The following CECR2 variants were observed in gnomAD, a reference collection of about 807,000 sequenced individuals.
CECR2 encodes chromatin remodeling regulator CECR2.
CECR2 carries 30 observed loss-of-function variants against 154.5 expected under a neutral mutation model. The ratio of observed to expected loss-of-function variants is 0.19; its 90% CI spans 0.15 to 0.26. The LOEUF (loss-of-function observed/expected upper bound fraction) is 0.26, where lower values mean the gene tolerates loss of function less well. Ranked by LOEUF, CECR2 falls within the 10% of genes least tolerant of loss-of-function variation. The probability of loss-of-function intolerance (pLI) is 1.00; values close to 1 mark genes in which losing one functional copy is unlikely to be tolerated. For synonymous variants in CECR2, 725 were observed against 683.7 expected, an observed-to-expected ratio of 1.06 and a Z score of -0.94; for missense variants, 1,743 against 1,829.3, an observed-to-expected ratio of 0.95 and a Z score of 0.86.
In CECR2 at chr22:17,471,611, C is replaced by A. The variant is rs141446614; in HGVS notation, c.127-5977C>A. On this transcript the variant is annotated intron_variant, in intron 1 of 18. Transcript: ENST00000262608. ...ATGCAGTGGGTGTGATCTCGGCTCA[C>A]TGCAACCTCTGCCTCCCGGGTTCAG... is the stretch of plus-strand genomic sequence containing the variant. Among the ~76,000 whole-genome samples, 1,164 of 151,890 alleles carry A rather than the reference C, an allele frequency of 7.7e-3. 57 individuals carry two copies. The East Asian group carries it at 0.16, about 21-fold the overall frequency.
At chr22:17,414,516 AT>A (rs1209238902) in intron 1 of CECR2, among the ~76,000 whole-genome samples, 8 of 78,182 alleles carry the variant, frequency 1.0e-4, no homozygotes, top group African/African-American at 2.1e-4. Flanking sequence ...TTTTTTCCTG[AT>A]TTTTTTTTAT....
chr22:17,382,383 G>A (rs577623290), intron 1 of CECR2, among the ~76,000 whole-genome samples: 31 of 152,238 alleles, frequency 2.0e-4, no homozygotes, highest in South Asian at 1.0e-3. Context: ...TTGGTAGCTG[G>A]AATAGAACAG....
chr22:17,526,036 G>A (rs1961679420), intron 9 of CECR2, among the ~76,000 whole-genome samples: 2 of 152,082 alleles, frequency 1.3e-5, no homozygotes, highest in Admixed American at 1.3e-4. Context: ...AGCTTTCTAC[G>A]TTCATGGATA....
chr22:17,393,888 ATT>A (rs71200270), intron 1 of CECR2, among the ~76,000 whole-genome samples: 7 of 133,998 alleles, frequency 5.2e-5, no homozygotes, highest in Admixed American at 7.7e-5. Context: ...TTTTTTATTC[ATT>A]TTTTTTTTTT....
chr22:17,495,841 G>A lies in CECR2; in HGVS notation c.222-1562G>A, dbSNP rs536593885. The stretch of plus-strand genomic sequence containing the variant: ...CGCACCACTGCACTCCAGCCTGGGT[G>A]ACAGAGCAAGACTCTGTCTCAAAAA... On this transcript the variant is annotated intron_variant, in intron 2 of 18. Transcript: ENST00000262608. Among the ~76,000 whole-genome samples the A allele has an allele frequency of 8.1e-5, 10 of 122,972 alleles. No individual in the cohort carries two copies. The South Asian group carries it at 1.7e-3, about 20-fold the overall frequency. 80.7% of individuals were successfully genotyped at this position (122,972 alleles called of 152,430 possible).
intron 1 of CECR2, among the ~76,000 whole-genome samples, chr22:17,437,140 G>A (rs1260000220): frequency 1.3e-5 from 2 of 152,092 alleles, no homozygotes; most frequent in East Asian, 1.9e-4. Flanking sequence ...TTCTCTGCTC[G>A]AGTGTTAGTG....
At chr22:17,460,368 C>G (rs569906057) in intron 1 of CECR2, among the ~76,000 whole-genome samples, 2 of 152,306 alleles carry the variant, frequency 1.3e-5, no homozygotes, top group Admixed American at 6.5e-5. Context: ...TGCCACCATG[C>G]CCGGCTAAGT....
chr22:17,465,155 C>T (rs113632723), intron 1 of CECR2, among the ~76,000 whole-genome samples: 18,643 of 151,378 alleles, frequency 0.12, 1,570 homozygotes, highest in African/African-American at 0.24. Context: ...CACCACCACG[C>T]CCGGCTAAGT....
chr22:17,414,124 C>T (rs2054113391), intron 1 of CECR2, among the ~76,000 whole-genome samples: 1 of 151,916 alleles, frequency 6.6e-6, no homozygotes, highest in East Asian at 1.9e-4. Flanking sequence ...AGGTGCCTGC[C>T]ACCACGCCTG....
intron 1 of CECR2, among the ~76,000 whole-genome samples, chr22:17,425,340 C>A (rs2054314206): frequency 6.6e-6 from 1 of 152,022 alleles, no homozygotes; most frequent in Non-Finnish European, 1.5e-5. Context: ...GTGCTTAGAG[C>A]CGTCAAACTG....
intron 1 of CECR2, among the ~76,000 whole-genome samples, chr22:17,463,847 G>A (rs566657528): frequency 6.8e-4 from 104 of 152,084 alleles, no homozygotes; most frequent in African/African-American, 2.4e-3. Flanking sequence ...AGAAAGGGAA[G>A]CAAGAGCAGG....
chr22:17,497,615 T>A, intron 3 of CECR2, 29 bp downstream of exon 3: 1 of 1,604,832 alleles, frequency 6.2e-7, no homozygotes, highest in Non-Finnish European at 8.5e-7. Flanking sequence ...CCTTTCCCTG[T>A]AGCTGTGAAA....
At chr22:17,382,054 ATTTTT>A (rs10680101) in intron 1 of CECR2, among the ~76,000 whole-genome samples, 3 of 146,120 alleles carry the variant, frequency 2.1e-5, no homozygotes, top group Admixed American at 6.7e-5. Context: ...CGCCCTGCTA[ATTTTT>A]TTTTTTTTTT....
At chr22:17,512,223 G>C (rs536367637) in intron 8 of CECR2, among the ~76,000 whole-genome samples, 29 of 152,124 alleles carry the variant, frequency 1.9e-4, no homozygotes, top group African/African-American at 6.7e-4. Flanking sequence ...AGGAGAATTT[G>C]AGTAGGCAGA....
chr22:17,461,792 CTTTT>C (rs145094879), intron 1 of CECR2, among the ~76,000 whole-genome samples: 1 of 137,188 alleles, frequency 7.3e-6, no homozygotes. Flanking sequence ...GTACCCGTTA[CTTTT>C]TTTTTTTTTT....
chr22:17,414,496 GTTTTC>G (rs1245670667), intron 1 of CECR2, among the ~76,000 whole-genome samples: 2 of 95,186 alleles, frequency 2.1e-5, no homozygotes, highest in South Asian at 3.4e-4. Flanking sequence ...TATTATATCA[GTTTTC>G]TTTTTTTTTT....
chr22:17,450,419 T>C (rs985511284), intron 1 of CECR2, among the ~76,000 whole-genome samples: 19 of 152,086 alleles, frequency 1.2e-4, no homozygotes, highest in African/African-American at 4.3e-4. Flanking sequence ...TATAGGTGCA[T>C]GCCACCATGC....
intron 13 of CECR2, 94 bp downstream of exon 13, chr22:17,539,213 T>G: frequency 2.2e-6 from 3 of 1,379,352 alleles, no homozygotes; most frequent in Non-Finnish European, 3.0e-6. Context: ...GCCTTTTCTG[T>G]AGGACAGTGA....
chr22:17,490,165 G>C (rs2055501835), intron 2 of CECR2, among the ~76,000 whole-genome samples: 1 of 151,544 alleles, frequency 6.6e-6, no homozygotes, highest in African/African-American at 2.4e-5. Flanking sequence ...GTGTGTGTGT[G>C]TGTTTGGTCT....
Sources: gnomAD v4.1 joint callset for allele counts (sites outside exome capture counted in the v4.1 genomes callset) on GRCh38, gnomAD v4.1.1 for gene constraint, MANE v1.5 for transcripts, NCBI Gene and HGNC (gene_info 2026-07-23, HGNC 2026-07-21) for gene names.